Variants in RGS3 observed in about 807,000 individuals in gnomAD.
RGS3 encodes regulator of G-protein signalling 3.
Under a neutral mutation model 132.6 loss-of-function variants are expected in RGS3, and 80 were observed. The observed-to-expected ratio is 0.60, with a 90% CI of 0.50 to 0.73. The LOEUF (loss-of-function observed/expected upper bound fraction) is 0.73. Among genes scored for constraint, RGS3 ranks in the 30% least tolerant of loss-of-function variants. The pLI, the probability that RGS3 is intolerant of heterozygous loss-of-function variation, is 0.00. For missense variants in RGS3, 1,382 were observed against 1,530.8 expected (o/e 0.90, Z 1.62); for synonymous variants, 598 against 620.6 (o/e 0.96, Z 0.54).
At chr9:113,548,282 C>T (rs1047468861) in intron 19 of RGS3, among the ~76,000 whole-genome samples, 1 of 152,206 alleles carries the variant, frequency 6.6e-6, no homozygotes, top group Non-Finnish European at 1.5e-5. Context: ...TTGTCTCACT[C>T]AGCAACTCAC....
intron 3 of RGS3, among the ~76,000 whole-genome samples, chr9:113,476,428 G>A (rs1278918251): frequency 6.6e-6 from 1 of 152,176 alleles, no homozygotes; most frequent in Non-Finnish European, 1.5e-5. Context: ...TAGCATGATG[G>A]GGGGAAGGAG....
At chr9:113,461,600 C>T in intron 1 of RGS3, 1 of 1,130,220 alleles carries the variant, frequency 8.8e-7, no homozygotes. Context: ...AATATGTTAG[C>T]TGCAGAGTGG....
In RGS3 at chr9:113,502,925, C is replaced by T. The variant is rs534120085; in HGVS notation, c.898-2517C>T. Among the ~76,000 whole-genome samples, 5 of 152,276 alleles carry T rather than the reference C, an allele frequency of 3.3e-5. No homozygotes were observed. The South Asian group carries it at 8.3e-4, about 25-fold the overall frequency. Reference sequence around the variant, plus strand: ...AGTAAAATAGGATAATGAAATCCAGCGATGGTGCCATGGGAGTGAATAGGA... The same window carrying T: ...AGTAAAATAGGATAATGAAATCCAGTGATGGTGCCATGGGAGTGAATAGGA... On this transcript the variant is annotated intron_variant, in intron 10 of 24. Transcript: ENST00000350696.
chr9:113,499,360 A>C (rs1434489360), intron 10 of RGS3, among the ~76,000 whole-genome samples: 2 of 152,068 alleles, frequency 1.3e-5, no homozygotes, highest in Non-Finnish European at 2.9e-5. Flanking sequence ...GATGAGAGGG[A>C]CATACATGGT....
chr9:113,542,150 G>C (rs979026965), intron 19 of RGS3: 2 of 152,486 alleles, frequency 1.3e-5, no homozygotes, highest in Non-Finnish European at 2.9e-5. Flanking sequence ...CTTTTAAACC[G>C]AGACTTGTGG....
At chr9:113,527,546 C>T (rs757040834) in intron 17 of RGS3, among the ~76,000 whole-genome samples, 4 of 152,212 alleles carry the variant, frequency 2.6e-5, no homozygotes, top group South Asian at 2.1e-4. Context: ...CCCAGTCCAT[C>T]GCTAGGTGGG....
At chr9:113,497,895 C>T (rs911537763) in intron 9 of RGS3, 130 bp from the exon 8 acceptor site, 1 of 823,162 alleles carries the variant, frequency 1.2e-6, no homozygotes, top group African/African-American at 1.7e-5. Context: ...GGTGTCCCCA[C>T]ATCCTGAGGC....
intron 10 of RGS3, among the ~76,000 whole-genome samples, chr9:113,498,770 A>G (rs570886242): frequency 7.2e-5 from 11 of 151,798 alleles, no homozygotes; most frequent in African/African-American, 2.7e-4. Context: ...CAAAAAAATT[A>G]ACTAGACATG....
chr9:113,595,446 G>T, intron 23 of RGS3, 153 bp from the exon 22 acceptor site: 2 of 756,702 alleles, frequency 2.6e-6, no homozygotes, highest in South Asian at 3.7e-5. Flanking sequence ...GCAGGGCTGG[G>T]GCCACATCCC....
At chr9:113,563,855 T>C (rs552915287) in intron 19 of RGS3, among the ~76,000 whole-genome samples, 1 of 152,168 alleles carries the variant, frequency 6.6e-6, no homozygotes, top group East Asian at 1.9e-4. Context: ...GGCAGAAACA[T>C]CCCGAGACCC....
chr9:113,458,337 A>G (rs1286057751), upstream of RGS3, among the ~76,000 whole-genome samples: 1 of 152,250 alleles, frequency 6.6e-6, no homozygotes, highest in Non-Finnish European at 1.5e-5. Context: ...CACCTGTTGT[A>G]CAAAAACAGG....
chr9:113,456,543 A>G (rs1436511436), upstream of RGS3, among the ~76,000 whole-genome samples: 3 of 152,022 alleles, frequency 2.0e-5, no homozygotes, highest in African/African-American at 4.8e-5. Flanking sequence ...CCACTTCCCT[A>G]GTTTGGTCAT....
chr9:113,451,662 G>A (rs1829248733), intron 1 of RGS3, among the ~76,000 whole-genome samples: 1 of 151,508 alleles, frequency 6.6e-6, no homozygotes, highest in Non-Finnish European at 1.5e-5. Context: ...ATTTATTACA[G>A]GATGCAGGGA....
chr9:113,502,800 A>T (rs1023866312), intron 10 of RGS3, among the ~76,000 whole-genome samples: 52 of 152,174 alleles, frequency 3.4e-4, no homozygotes, highest in African/African-American at 1.3e-3. Flanking sequence ...TGAGAGCAGC[A>T]AGCTTTTTGT....
At chr9:113,485,571 A>G (rs1197972762) in intron 6 of RGS3, 54 bp from the exon 5 acceptor site, 3 of 1,428,656 alleles carry the variant, frequency 2.1e-6, no homozygotes, top group South Asian at 1.2e-5. Flanking sequence ...TGAGTCAGCT[A>G]TGGCCTGGAG....
intron 16 of RGS3, 71 bp downstream of exon 14, chr9:113,517,695 C>A: frequency 8.5e-7 from 1 of 1,178,016 alleles, no homozygotes. Flanking sequence ...AGGCCCCTCA[C>A]TTTGGTCTCT....
chr9:113,534,237 C>T (rs1482819678), intron 18 of RGS3, among the ~76,000 whole-genome samples: 3 of 152,182 alleles, frequency 2.0e-5, no homozygotes, highest in Non-Finnish European at 4.4e-5. Context: ...TTTGCTGGCC[C>T]CTTCTTACCG....
At chr9:113,447,336 T>TGTATAC (rs2119134951) in intron 1 of RGS3, among the ~76,000 whole-genome samples, 1 of 78,930 alleles carries the variant, frequency 1.3e-5, no homozygotes. Context: ...TATGTATATA[T>TGTATAC]ATATATATAT....
chr9:113,543,357 T>A (rs1832979985), intron 19 of RGS3, among the ~76,000 whole-genome samples: 1 of 152,182 alleles, frequency 6.6e-6, no homozygotes, highest in Admixed American at 6.5e-5. Context: ...CTTATCCTCC[T>A]CTCAACCTAG....
Sources: allele counts gnomAD v4.1 joint callset (sites outside exome capture counted in the v4.1 genomes callset), GRCh38; gene constraint gnomAD v4.1.1; transcripts MANE v1.5; gene names NCBI Gene and HGNC (gene_info 2026-07-23, HGNC 2026-07-21).